The following CNNM1 variants were observed in gnomAD, a reference collection of about 807,000 sequenced individuals.
CNNM1 encodes metal transporter CNNM1.
In CNNM1, 44 loss-of-function variants were observed where a neutral mutation model predicts 78.8. The observed-to-expected ratio is 0.56, with a 90% CI of 0.44 to 0.72. The LOEUF (loss-of-function observed/expected upper bound fraction) is 0.72, where lower values mean the gene tolerates loss of function less well. CNNM1 is among the 30% of genes least tolerant of loss of function. The pLI, the probability that CNNM1 is intolerant of heterozygous loss-of-function variation, is 0.00. For synonymous variants in CNNM1, 584 were observed against 581.5 expected (o/e 1.00, Z -0.06); for missense variants, 1,101 against 1,292.2 (o/e 0.85, Z 2.27).
chr10:99,389,890 G>A (rs927204374), intron 9 of CNNM1, among the ~76,000 whole-genome samples: 8 of 152,194 alleles, frequency 5.3e-5, no homozygotes, highest in African/African-American at 1.4e-4. Context: ...CAGGGGCATT[G>A]TTGTTGAACC....
At chr10:99,385,357 T>G (rs2032277794) in intron 7 of CNNM1, among the ~76,000 whole-genome samples, 1 of 152,206 alleles carries the variant, frequency 6.6e-6, no homozygotes, top group African/African-American at 2.4e-5. Flanking sequence ...ATTGCCTTCC[T>G]TCCCCTACTT....
chr10:99,375,791 G>A (rs1259224710), intron 6 of CNNM1, among the ~76,000 whole-genome samples: 1 of 152,192 alleles, frequency 6.6e-6, no homozygotes, highest in African/African-American at 2.4e-5. Context: ...AGCTAAATCT[G>A]TGTTAAGAGA....
chr10:99,362,003 G>A (rs1201845391), intron 3 of CNNM1, among the ~76,000 whole-genome samples: 2 of 152,228 alleles, frequency 1.3e-5, no homozygotes, highest in African/African-American at 2.4e-5. Flanking sequence ...AGATGCCAGT[G>A]CAGGGACACA....
At chr10:99,385,108 G>C (rs540074147) in intron 7 of CNNM1, among the ~76,000 whole-genome samples, 1 of 151,968 alleles carries the variant, frequency 6.6e-6, no homozygotes, top group Non-Finnish European at 1.5e-5. Context: ...ATAAAATCTG[G>C]GCAGAACTTT....
intron 1 of CNNM1, among the ~76,000 whole-genome samples, chr10:99,348,890 A>AAAACAAAC (rs10634357): frequency 0.024 from 3,693 of 151,018 alleles, 72 homozygotes; most frequent in East Asian, 0.088. Context: ...CATCTCTACA[A>AAAACAAAC]AAACAAACAA....
chr10:99,390,373 G>A lies in CNNM1; in HGVS notation c.2742G>A (p.Glu914=). 8 of 1,612,980 alleles carry A rather than the reference G, an allele frequency of 5.0e-6. No individual in the cohort carries two copies. Among genetic ancestry groups the A allele is most frequent in the Non-Finnish European group, 6.8e-6 (8 of 1,179,484 alleles). The change falls in exon 10 of 11, where the codon GAG becomes GAA. Residue 914 remains glutamate (E), a synonymous_variant. Coordinates refer to ENST00000356713, the MANE Select transcript of CNNM1 (RefSeq NM_020348.3). ...CCAGCCCCTGCAGTAGCGATTTTGAGGAAAACGTGGGCAAGAAGCTGCTGA... is the reference window on the plus strand; with the variant it reads ...CCAGCCCCTGCAGTAGCGATTTTGAAGAAAACGTGGGCAAGAAGCTGCTGA... ...TETSPCSSDF[E]ENVGKKLLRT...
intron 1 of CNNM1, among the ~76,000 whole-genome samples, chr10:99,338,183 G>A (rs1163860147): frequency 6.6e-6 from 1 of 152,134 alleles, no homozygotes; most frequent in African/African-American, 2.4e-5. Flanking sequence ...TATAAGTACA[G>A]GATATGGGTA....
In CNNM1 at chr10:99,329,389, T is replaced by TGGCGGCGGCCGC. The variant is rs751684912; in HGVS notation, c.12_23dup (p.Ala7_Ala10dup). The TGGCGGCGGCCGC allele has an allele frequency of 2.9e-6, 2 of 699,310 alleles. No individual in the cohort carries two copies. Among genetic ancestry groups the TGGCGGCGGCCGC allele is most frequent in the East Asian group, 3.3e-5 (1 of 30,076 alleles). The allele number at this position is 699,310 out of a possible 1,614,324, so 43.3% of individuals were successfully genotyped here. On this transcript the variant is annotated inframe_insertion, in exon 1 of 11. Transcript: ENST00000356713. Reference sequence around the variant, plus strand: ...ACGTGCAGCTGCGCTGGGTGCAGGATGGCGGCGGCCGCGGCGGCGGCAGCA... The same window carrying TGGCGGCGGCCGC: ...ACGTGCAGCTGCGCTGGGTGCAGGATGGCGGCGGCCGCGGCGGCGGCCGCGGCGGCGGCAGCA...
At position 99,385,596 on chromosome 10, in the gene CNNM1, G is replaced by C. The variant is rs74151973; in HGVS notation, c.2341-2224G>C. The stretch of plus-strand genomic sequence containing the variant: ...AGTCAAATGGTGAGACATGCATGTG[G>C]GCATGTTTTAAACAACCATTCCTAA... On this transcript the variant is annotated intron_variant, in intron 7 of 10. Transcript: ENST00000356713. 5.6e-3 allele frequency among the ~76,000 whole-genome samples: 858 copies of C among 152,210 alleles called. 11 individuals carry two copies. The highest frequency in any genetic ancestry group is 0.02 in the African/African-American group (814 of 41,538).
chr10:99,363,794 G>A (rs1219256490), intron 4 of CNNM1, among the ~76,000 whole-genome samples: 1 of 145,534 alleles, frequency 6.9e-6, no homozygotes, highest in Non-Finnish European at 1.5e-5. Flanking sequence ...ACCCAGGCTG[G>A]AGTGCAGTGG....
intron 3 of CNNM1, among the ~76,000 whole-genome samples, chr10:99,361,394 A>G (rs1425035414): frequency 6.6e-6 from 1 of 152,236 alleles, no homozygotes; most frequent in Non-Finnish European, 1.5e-5. Flanking sequence ...TTAGAAAGAA[A>G]AAAAAGTGAG....
chr10:99,334,154 G>A (rs963753031), intron 1 of CNNM1, among the ~76,000 whole-genome samples: 1 of 152,194 alleles, frequency 6.6e-6, no homozygotes, highest in African/African-American at 2.4e-5. Context: ...TAACATTAAA[G>A]TTTGAGAAGC....
intron 3 of CNNM1, 101 bp downstream of exon 3, chr10:99,361,076 T>C (rs1238993893): frequency 7.8e-7 from 1 of 1,281,550 alleles, no homozygotes; most frequent in African/African-American, 1.5e-5. Context: ...TCCAGTGTGC[T>C]GTCAGGACTG....
chr10:99,352,568 T>C (rs2030987053), intron 1 of CNNM1, among the ~76,000 whole-genome samples: 1 of 152,206 alleles, frequency 6.6e-6, no homozygotes. Context: ...ATCTTGTGGG[T>C]ATAAAGTATC....
rs1369700348 is a variant in CNNM1 at position 99,388,135 on chromosome 10, C to T, written c.2525-17C>T. The T allele has an allele frequency of 4.3e-6, 7 of 1,613,486 alleles. No homozygotes were observed. The South Asian group carries it at 4.4e-5, about 10-fold the overall frequency. On this transcript the variant is annotated splice_polypyrimidine_tract_variant and intron_variant, in intron 8 of 10. Transcript: ENST00000356713. Reference sequence around the variant, plus strand: ...TTCTCCAAAGCAGAGAGGTGATGCACTCACTGTCCTCCCCAGGCAGCCGCT... The same window carrying T: ...TTCTCCAAAGCAGAGAGGTGATGCATTCACTGTCCTCCCCAGGCAGCCGCT...
At chr10:99,351,939 T>G (rs1184305865) in intron 1 of CNNM1, among the ~76,000 whole-genome samples, 1 of 152,240 alleles carries the variant, frequency 6.6e-6, no homozygotes, top group East Asian at 1.9e-4. Context: ...TTATTATTTT[T>G]TTCAATTGGC....
At chr10:99,347,908 C>G (rs926039617) in intron 1 of CNNM1, among the ~76,000 whole-genome samples, 2 of 152,070 alleles carry the variant, frequency 1.3e-5, no homozygotes, top group African/African-American at 4.8e-5. Context: ...TCCCCGTCTC[C>G]CTTCCCTAAA....
At chr10:99,356,605 A>AAAGAAGG (rs1491432735) in intron 1 of CNNM1, among the ~76,000 whole-genome samples, 3 of 56,326 alleles carry the variant, frequency 5.3e-5, no homozygotes, top group African/African-American at 1.1e-4. Flanking sequence ...AGAAAGAAAG[A>AAAGAAGG]AAAGAAAGAA....
At chr10:99,344,612 G>A (rs1222105790) in intron 1 of CNNM1, among the ~76,000 whole-genome samples, 1 of 150,270 alleles carries the variant, frequency 6.7e-6, no homozygotes, top group Admixed American at 6.6e-5. Context: ...ACCGTAGGAG[G>A]TTCCTTCCAT....
Sources: allele counts gnomAD v4.1 joint callset (sites outside exome capture counted in the v4.1 genomes callset), GRCh38; gene constraint gnomAD v4.1.1; transcripts MANE v1.5; gene names NCBI Gene and HGNC (gene_info 2026-07-23, HGNC 2026-07-21).